The following RABGAP1L variants were observed in gnomAD, a reference collection of about 807,000 sequenced individuals.
The protein encoded by RABGAP1L is RAB GTPase activating protein 1 like.
In RABGAP1L, 63 loss-of-function variants were observed where a neutral mutation model predicts 137.7. That is an observed-to-expected ratio of 0.46 (90% CI 0.37 to 0.56). RABGAP1L has a LOEUF of 0.56. RABGAP1L is among the 20% of genes least tolerant of loss of function. RABGAP1L has a pLI of 0.00. For synonymous variants in RABGAP1L, 431 were observed against 433.7 expected (o/e 0.99, Z 0.08); for missense variants, 1,095 against 1,244.0 (o/e 0.88, Z 1.80).
At chr1:174,776,649 C>A (rs1232082245) in intron 18 of RABGAP1L, among the ~76,000 whole-genome samples, 2 of 152,160 alleles carry the variant, frequency 1.3e-5, no homozygotes, top group Non-Finnish European at 1.5e-5. Context: ...GTTCCTAAAT[C>A]TTCTCATTTA....
At chr1:174,652,210 T>G (rs1050780500) in intron 14 of RABGAP1L, among the ~76,000 whole-genome samples, 2 of 152,216 alleles carry the variant, frequency 1.3e-5, no homozygotes, top group Admixed American at 1.3e-4. Context: ...GATCCACTGT[T>G]AGTCTGTTGG....
In RABGAP1L at chr1:174,804,288, T is replaced by G. The variant is rs185031674; in HGVS notation, c.2212-7544T>G. Among the ~76,000 whole-genome samples, 1,047 of 151,498 alleles carry G rather than the reference T, an allele frequency of 6.9e-3. 17 individuals are homozygous for G. Among genetic ancestry groups the G allele is most frequent in the African/African-American group, 0.024 (1,003 of 41,430 alleles). ...TGTTTTGTTTTGTTTTTTGTTTTTT[T>G]TTTTGAGATAGGGTTTCAGTTACCC... On this transcript the variant is annotated intron_variant, in intron 18 of 25. Coordinates refer to ENST00000681986, the MANE Select transcript of RABGAP1L (RefSeq NM_001366446.1).
chr1:174,354,019 A>G (rs548096991), intron 11 of RABGAP1L, among the ~76,000 whole-genome samples: 5 of 152,258 alleles, frequency 3.3e-5, no homozygotes, highest in Admixed American at 3.3e-4. Context: ...ATCTGATTTC[A>G]TGTTGTTGTT....
At chr1:174,351,762 T>C (rs898462265) in intron 11 of RABGAP1L, among the ~76,000 whole-genome samples, 1 of 150,716 alleles carries the variant, frequency 6.6e-6, no homozygotes, top group Non-Finnish European at 1.5e-5. Flanking sequence ...TTTATCTTTC[T>C]CTACGTTTGG....
chr1:174,338,865 A>C (rs933416434), intron 11 of RABGAP1L, among the ~76,000 whole-genome samples: 1 of 152,100 alleles, frequency 6.6e-6, no homozygotes, highest in African/African-American at 2.4e-5. Context: ...TGGGTTTTGC[A>C]CTTTTAAAAG....
rs558882648 is a variant in RABGAP1L, at chr1:174,518,268, G to T, written c.1711-119107G>T. On this transcript the variant is annotated intron_variant, in intron 13 of 25. Transcript: ENST00000681986. Reference sequence around the variant, plus strand: ...TGACAGTCACAGGATTGAACTATCCGTATAAAGCCTCCCTCAGTATCTAGG... The same window carrying T: ...TGACAGTCACAGGATTGAACTATCCTTATAAAGCCTCCCTCAGTATCTAGG... 4.6e-5 allele frequency among the ~76,000 whole-genome samples: 7 copies of T among 152,210 alleles called. No homozygotes were observed. The South Asian group carries it at 1.5e-3, about 32-fold the overall frequency.
At chr1:174,587,150 G>A (rs1053194545) in intron 13 of RABGAP1L, among the ~76,000 whole-genome samples, 16 of 151,132 alleles carry the variant, frequency 1.1e-4, no homozygotes, top group African/African-American at 3.9e-4. Flanking sequence ...GTCTATCATT[G>A]TTGGACATTT....
intron 19 of RABGAP1L, among the ~76,000 whole-genome samples, chr1:174,934,169 A>C (rs994109879): frequency 1.3e-5 from 2 of 151,700 alleles, no homozygotes; most frequent in Admixed American, 1.3e-4. Flanking sequence ...GCTCACTGCA[A>C]CCTCCACCTC....
chr1:174,196,481 C>T (rs1044164274), intron 1 of RABGAP1L, among the ~76,000 whole-genome samples: 11 of 152,138 alleles, frequency 7.2e-5, no homozygotes, highest in Middle Eastern at 3.4e-3. Flanking sequence ...GCCTCGGCCT[C>T]CCGAAGTGCT....
intron 13 of RABGAP1L, among the ~76,000 whole-genome samples, chr1:174,524,605 A>C (rs1239969275): frequency 6.6e-6 from 1 of 152,082 alleles, no homozygotes; most frequent in South Asian, 2.1e-4. Flanking sequence ...TCTCTTCACT[A>C]TGTTGATTAT....
rs372002017 is a variant in RABGAP1L at position 174,417,035 on chromosome 1, A to G, written c.1710+22890A>G. ...CATCACAAGTTTATTAGTTTCTAAA[A>G]TAAGCAAGTAGTTGGATGAATTAGG... is the stretch of plus-strand genomic sequence containing the variant. On this transcript the variant is annotated intron_variant, in intron 13 of 25. Coordinates refer to ENST00000681986, the MANE Select transcript of RABGAP1L (RefSeq NM_001366446.1). 4.6e-5 allele frequency among the ~76,000 whole-genome samples: 7 copies of G among 152,280 alleles called. No homozygotes were observed. In the East Asian group the frequency reaches 1.2e-3, roughly 25 times the overall value.
intron 18 of RABGAP1L, among the ~76,000 whole-genome samples, chr1:174,784,151 C>G (rs1464328123): frequency 6.6e-6 from 1 of 150,572 alleles, no homozygotes; most frequent in Non-Finnish European, 1.5e-5. Flanking sequence ...TCCCGAGTAG[C>G]TGGGACTACA....
Position 174,305,066 on chromosome 1 carries a change from A to G in RABGAP1L, c.1404A>G (p.Glu468=), listed in dbSNP as rs1237816420. The G allele has an allele frequency of 1.9e-6, 3 of 1,561,824 alleles. No individual in the cohort carries two copies. The highest frequency in any genetic ancestry group is 1.7e-6 in the Non-Finnish European group (2 of 1,159,496). ...TACAGCGAGAGTCTGACAAGGAGGA[A>G]CCAGTCACTCCTACTAGTGGAGGGG... is the stretch of plus-strand genomic sequence containing the variant. The part of the protein sequence containing the change: ...VSLQRESDKE[E]PVTPTSGGGP... The change falls in exon 11 of 26, where the codon GAA becomes GAG. Residue 468 remains glutamate (E), a synonymous_variant. Coordinates refer to ENST00000681986, the MANE Select transcript of RABGAP1L (RefSeq NM_001366446.1).
intron 1 of RABGAP1L, among the ~76,000 whole-genome samples, chr1:174,195,784 C>CTT (rs1162366553): frequency 1.2e-5 from 1 of 80,702 alleles, no homozygotes; most frequent in African/African-American, 4.5e-5. Context: ...TCCTTTCTTT[C>CTT]TTTTCTTTCT....
chr1:174,283,944 T>C (rs1378436421), intron 10 of RABGAP1L, among the ~76,000 whole-genome samples: 3 of 152,226 alleles, frequency 2.0e-5, no homozygotes, highest in Admixed American at 2.0e-4. Flanking sequence ...ACACATACTT[T>C]AATTTATCTC....
At chr1:174,975,725 G>A (rs970383031) in intron 21 of RABGAP1L, among the ~76,000 whole-genome samples, 2 of 152,198 alleles carry the variant, frequency 1.3e-5, no homozygotes, top group African/African-American at 4.8e-5. Context: ...CTAAAAATCT[G>A]TAAGAAGCAT....
intron 13 of RABGAP1L, among the ~76,000 whole-genome samples, chr1:174,458,574 T>A (rs999218598): frequency 2.0e-5 from 3 of 152,094 alleles, no homozygotes; most frequent in African/African-American, 7.2e-5. Flanking sequence ...TATATACCTG[T>A]CTGTAAATGA....
At chr1:174,666,324 C>T (rs549060448) in intron 14 of RABGAP1L, among the ~76,000 whole-genome samples, 16 of 152,268 alleles carry the variant, frequency 1.1e-4, no homozygotes, top group Admixed American at 7.9e-4. Flanking sequence ...ATTGCTATTA[C>T]GTAAATATCA....
chr1:174,566,177 T>C (rs961446953), intron 13 of RABGAP1L, among the ~76,000 whole-genome samples: 5 of 152,064 alleles, frequency 3.3e-5, no homozygotes, highest in African/African-American at 4.8e-5. Flanking sequence ...GTATCACCAA[T>C]AGAAGTTAAG....
Sources: gnomAD v4.1 joint callset for allele counts (sites outside exome capture counted in the v4.1 genomes callset) on GRCh38, gnomAD v4.1.1 for gene constraint, MANE v1.5 for transcripts, NCBI Gene and HGNC (gene_info 2026-07-23, HGNC 2026-07-21) for gene names.